XRRA1: variants seen among roughly 807,000 people sequenced by gnomAD.
XRRA1 encodes the protein X-ray radiation resistance associated 1, also known as X-ray radiation resistance-associated protein 1.
In XRRA1, 69 loss-of-function variants were observed where a neutral mutation model predicts 80.2. That is an observed-to-expected ratio of 0.86 (90% CI 0.71 to 1.05). The LOEUF (loss-of-function observed/expected upper bound fraction) is 1.05. Among genes scored for constraint, XRRA1 ranks in the 50% least tolerant of loss-of-function variants. The probability of loss-of-function intolerance (pLI) is 0.00; values close to 1 mark genes in which losing one functional copy is unlikely to be tolerated. For synonymous variants in XRRA1, 348 were observed against 389.9 expected, an observed-to-expected ratio of 0.89 and a Z score of 1.27; for missense variants, 967 against 976.4, an observed-to-expected ratio of 0.99 and a Z score of 0.13.
chr11:74,906,205 G>A, intron 10 of XRRA1, 34 bp downstream of exon 10: 1 of 1,588,506 alleles, frequency 6.3e-7, no homozygotes, highest in Non-Finnish European at 8.6e-7. Flanking sequence ...TCCACCATGA[G>A]GGTAGAATTT....
chr11:74,849,219 G>A (rs2039144568), intron 14 of XRRA1, among the ~76,000 whole-genome samples: 2 of 152,210 alleles, frequency 1.3e-5, no homozygotes, highest in Non-Finnish European at 2.9e-5. Context: ...ACTGAGAGAT[G>A]TAAGTTGTGT....
At chr11:74,856,944 A>G (rs1360188829) in intron 12 of XRRA1, among the ~76,000 whole-genome samples, 1 of 152,108 alleles carries the variant, frequency 6.6e-6, no homozygotes, top group East Asian at 1.9e-4. Context: ...AGCACATTAG[A>G]GGTCTCCTAC....
At chr11:74,885,425 A>G (rs2048787958) in intron 10 of XRRA1, among the ~76,000 whole-genome samples, 1 of 152,220 alleles carries the variant, frequency 6.6e-6, no homozygotes, top group Non-Finnish European at 1.5e-5. Context: ...AGAATTACAA[A>G]AAACATCAGA....
intron 7 of XRRA1, among the ~76,000 whole-genome samples, chr11:74,926,818 A>G (rs1440522664): frequency 6.6e-6 from 1 of 152,140 alleles, no homozygotes; most frequent in Non-Finnish European, 1.5e-5. Flanking sequence ...GAATGTACAA[A>G]TGTTCAAGAC....
At chr11:74,906,649 T>A (rs1280601366) in intron 9 of XRRA1, among the ~76,000 whole-genome samples, 193 bp from the exon 10 acceptor site, 1 of 152,204 alleles carries the variant, frequency 6.6e-6, no homozygotes, top group Non-Finnish European at 1.5e-5. Flanking sequence ...TTTATTAACC[T>A]TTCAGGGTTC....
In XRRA1 at chr11:74,933,925, A is replaced by C. The variant is rs371106855; in HGVS notation, c.280-53T>G. The C allele has an allele frequency of 2.4e-4, 351 of 1,492,444 alleles. 2 individuals are homozygous for C. The Middle Eastern group carries it at 2.4e-3, about 10-fold the overall frequency. 92.5% of individuals were successfully genotyped at this position (1,492,444 alleles called of 1,614,324 possible). A position where few individuals can be genotyped will look rare whatever the true frequency, so the allele number is the denominator to read the frequency against. ...TTAAGGCCCCTACAAAGTTTAATTA[A>C]TCTATTACCACTCAGCCTTCTCTTG... On this transcript the variant is annotated intron_variant, in intron 4 of 18. Transcript: ENST00000684022.
At chr11:74,862,576 G>A (rs906642526) in intron 11 of XRRA1, among the ~76,000 whole-genome samples, 1 of 152,228 alleles carries the variant, frequency 6.6e-6, no homozygotes, top group South Asian at 2.1e-4. Context: ...CCTGGATAGT[G>A]GTGTATCTGG....
intron 10 of XRRA1, among the ~76,000 whole-genome samples, chr11:74,884,848 C>T (rs1418678202): frequency 6.6e-6 from 1 of 152,082 alleles, no homozygotes; most frequent in Non-Finnish European, 1.5e-5. Context: ...AAATTAACAA[C>T]CTAATATCAC....
chr11:74,942,429 G>T (rs930260819), intron 2 of XRRA1, among the ~76,000 whole-genome samples: 13 of 152,232 alleles, frequency 8.5e-5, no homozygotes, highest in African/African-American at 3.1e-4. Context: ...AAGCAAGACA[G>T]CAGTGAGATG....
At chr11:74,894,541 AC>A (rs2051719463) in intron 10 of XRRA1, among the ~76,000 whole-genome samples, 1 of 152,192 alleles carries the variant, frequency 6.6e-6, no homozygotes, top group African/African-American at 2.4e-5. Context: ...GGAGGCAGGC[AC>A]CTTCTTCACA....
intron 3 of XRRA1, among the ~76,000 whole-genome samples, chr11:74,940,280 C>A (rs1679466630): frequency 6.6e-6 from 1 of 152,116 alleles, no homozygotes; most frequent in Non-Finnish European, 1.5e-5. Context: ...AGGAGTTTGG[C>A]AGACCATGAT....
At chr11:74,913,422 A>G (rs2056323750) in intron 8 of XRRA1, among the ~76,000 whole-genome samples, 1 of 152,188 alleles carries the variant, frequency 6.6e-6, no homozygotes, top group South Asian at 2.1e-4. Context: ...TTGAAGAATG[A>G]TTGTAGATTC....
intron 6 of XRRA1, 48 bp downstream of exon 6, chr11:74,930,252 G>T: frequency 7.0e-7 from 1 of 1,425,968 alleles, no homozygotes; most frequent in Non-Finnish European, 9.7e-7. Context: ...GTGAATGGCT[G>T]TGCTGGCTAA....
At chr11:74,926,623 G>A (rs1942303205) in intron 7 of XRRA1, among the ~76,000 whole-genome samples, 1 of 152,118 alleles carries the variant, frequency 6.6e-6, no homozygotes. Context: ...CTCTCAGGTA[G>A]TGACAAAAGC....
Position 74,907,237 on chromosome 11 carries a change from G to A in XRRA1, c.693C>T (p.Tyr231=), listed in dbSNP as rs374416578. The part of the protein sequence containing the change: ...ASVTSLTSKR[Y]ILRFPALETL... The stretch of plus-strand genomic sequence containing the variant: ...TCTCCAGCGCTGGGAACCTCAGGAT[G>A]TACCTCTTGCTTGTCAGCGATGTTA... Residue 231 remains tyrosine, a synonymous_variant, in exon 9 of 19, where the codon TAC becomes TAT. Transcript: ENST00000684022. 1.9e-6 allele frequency: 3 copies of A among 1,613,880 alleles called. No individual in the cohort carries two copies. The highest frequency in any genetic ancestry group is 2.5e-6 in the Non-Finnish European group (3 of 1,179,884).
At chr11:74,916,185 T>C (rs1938607496) in intron 8 of XRRA1, among the ~76,000 whole-genome samples, 1 of 152,198 alleles carries the variant, frequency 6.6e-6, no homozygotes. Context: ...CTGAGCCTCA[T>C]GTATGTTTAT....
chr11:74,885,095 C>A (rs1418732643), intron 10 of XRRA1, among the ~76,000 whole-genome samples: 4 of 152,026 alleles, frequency 2.6e-5, no homozygotes, highest in Admixed American at 6.6e-5. Flanking sequence ...GAGACCTTGT[C>A]TCTACAAAAT....
chr11:74,891,071 G>C (rs943130262), intron 10 of XRRA1, among the ~76,000 whole-genome samples: 1 of 152,168 alleles, frequency 6.6e-6, no homozygotes, highest in South Asian at 2.1e-4. Context: ...GCATCATCCT[G>C]ATACCAAAGC....
intron 8 of XRRA1, among the ~76,000 whole-genome samples, chr11:74,918,078 A>G (rs1394074431): frequency 1.3e-5 from 2 of 152,200 alleles, no homozygotes; most frequent in African/African-American, 4.8e-5. Context: ...AACCCAGTAA[A>G]AGCAGGACCT....
Sources: allele counts gnomAD v4.1 joint callset (sites outside exome capture counted in the v4.1 genomes callset), GRCh38; gene constraint gnomAD v4.1.1; transcripts MANE v1.5; gene names NCBI Gene and HGNC (gene_info 2026-07-23, HGNC 2026-07-21).